The following DCC variants were observed in gnomAD, a reference collection of about 807,000 sequenced individuals.
DCC encodes the protein netrin receptor DCC.
DCC carries 58 observed loss-of-function variants against 172.5 expected under a neutral mutation model. The observed-to-expected ratio is 0.34, with a 90% CI of 0.27 to 0.42. The LOEUF (loss-of-function observed/expected upper bound fraction) is 0.42. DCC is among the 10% of genes least tolerant of loss of function. The probability of loss-of-function intolerance (pLI) is 1.00; values close to 1 mark genes in which losing one functional copy is unlikely to be tolerated. For missense variants in DCC, 1,740 were observed against 1,791.0 expected (o/e 0.97, Z 0.51); for synonymous variants, 709 against 644.5 (o/e 1.10, Z -1.52).
intron 9 of DCC, among the ~76,000 whole-genome samples, chr18:53,181,597 C>T (rs2055198096): frequency 6.6e-6 from 1 of 151,738 alleles, no homozygotes; most frequent in Non-Finnish European, 1.5e-5. Flanking sequence ...TTTTTTGTAT[C>T]ACACATATGG....
At chr18:53,381,669 C>G (rs915486424) in intron 15 of DCC, among the ~76,000 whole-genome samples, 1 of 146,160 alleles carries the variant, frequency 6.8e-6, no homozygotes, top group African/African-American at 2.5e-5. Context: ...TCTATTTTTC[C>G]GGGATTATAT....
intron 9 of DCC, among the ~76,000 whole-genome samples, chr18:53,185,686 T>C (rs2055269968): frequency 6.6e-6 from 1 of 152,176 alleles, no homozygotes; most frequent in Non-Finnish European, 1.5e-5. Context: ...AGTGGCAGTC[T>C]AGGCACTATG....
rs139681958 is a variant in DCC at position 52,476,398 on chromosome 18, C to T, written c.91+135520C>T. On this transcript the variant is annotated intron_variant, in intron 1 of 28. Coordinates refer to ENST00000442544, the MANE Select transcript of DCC (RefSeq NM_005215.4). Reference sequence around the variant, plus strand: ...GCATTCGTGTGAGCGTTTAATTAAACGGATGTGAAATGCTGTCTGAGCCGA... The same window carrying T: ...GCATTCGTGTGAGCGTTTAATTAAATGGATGTGAAATGCTGTCTGAGCCGA... Among the ~76,000 whole-genome samples, 89 of 152,190 alleles carry T rather than the reference C, an allele frequency of 5.8e-4. 1 individual carries two copies. Among genetic ancestry groups the T allele is most frequent in the African/African-American group, 2.0e-3 (82 of 41,520 alleles).
At chr18:52,352,970 T>C (rs1052438745) in intron 1 of DCC, among the ~76,000 whole-genome samples, 1 of 152,186 alleles carries the variant, frequency 6.6e-6, no homozygotes, top group African/African-American at 2.4e-5. Flanking sequence ...TCTAGATGAC[T>C]GAAAGCATCA....
At chr18:52,375,811 A>T (rs1452673547) in intron 1 of DCC, among the ~76,000 whole-genome samples, 1 of 152,200 alleles carries the variant, frequency 6.6e-6, no homozygotes, top group East Asian at 1.9e-4. Flanking sequence ...CCTGTGGGTT[A>T]AGTGTTTCTG....
intron 5 of DCC, among the ~76,000 whole-genome samples, chr18:53,032,375 TC>T (rs1437625481): frequency 3.3e-5 from 5 of 152,294 alleles, no homozygotes; most frequent in African/African-American, 1.2e-4. Flanking sequence ...TTCTTTGTTG[TC>T]AGCTCTTTGC....
At chr18:52,826,879 T>C (rs9964033) in intron 2 of DCC, among the ~76,000 whole-genome samples, 40,079 of 152,126 alleles carry the variant, frequency 0.26, 5,402 homozygotes, top group South Asian at 0.3. Flanking sequence ...AAATATATTG[T>C]ATCTGTACTG....
At chr18:52,493,578 G>A (rs1342879926) in intron 1 of DCC, among the ~76,000 whole-genome samples, 2 of 151,216 alleles carry the variant, frequency 1.3e-5, no homozygotes, top group East Asian at 1.9e-4. Flanking sequence ...TTATATTGGG[G>A]TTCATATATA....
chr18:53,434,488 G>T (rs558319553), intron 21 of DCC, among the ~76,000 whole-genome samples: 1 of 152,028 alleles, frequency 6.6e-6, no homozygotes, highest in African/African-American at 2.4e-5. Context: ...CTTAAATACG[G>T]CTTTCACATC....
At chr18:52,742,701 G>C (rs1054171581) in intron 1 of DCC, among the ~76,000 whole-genome samples, 1 of 152,140 alleles carries the variant, frequency 6.6e-6, no homozygotes, top group African/African-American at 2.4e-5. Flanking sequence ...TACTGACAAA[G>C]TGCTACCATA....
intron 5 of DCC, among the ~76,000 whole-genome samples, chr18:53,044,480 C>G (rs1479575322): frequency 3.3e-5 from 5 of 151,590 alleles, no homozygotes; most frequent in Non-Finnish European, 7.4e-5. Context: ...AGCCATTTAC[C>G]CTTAACTTTT....
At chr18:52,792,644 C>G (rs913143756) in intron 2 of DCC, among the ~76,000 whole-genome samples, 1 of 152,046 alleles carries the variant, frequency 6.6e-6, no homozygotes, top group African/African-American at 2.4e-5. Flanking sequence ...GTGTGACATC[C>G]GAGTCTTTAA....
At chr18:52,711,238 T>A (rs1475255817) in intron 1 of DCC, among the ~76,000 whole-genome samples, 1 of 152,174 alleles carries the variant, frequency 6.6e-6, no homozygotes, top group African/African-American at 2.4e-5. Context: ...ATTTGTTTTT[T>A]TATTTTGAGA....
In DCC at chr18:53,460,299, T is replaced by C. The variant is rs1242481507; in HGVS notation, c.3619+841T>C. Among the ~76,000 whole-genome samples, 535 of 143,742 alleles carry C rather than the reference T, an allele frequency of 3.7e-3. 4 individuals carry two copies. The highest frequency in any genetic ancestry group is 0.013 in the African/African-American group (507 of 39,604). The allele number at this position is 143,742 out of a possible 152,430, so 94.3% of individuals were successfully genotyped here. On this transcript the variant is annotated intron_variant, in intron 24 of 28. Coordinates refer to ENST00000442544, the MANE Select transcript of DCC (RefSeq NM_005215.4). ...GTTTTTTTTTTTTTTTTTTTTTTTTTTTTTAAGTTTTAGGGTACATGTGCA... is the reference window on the plus strand; with the variant it reads ...GTTTTTTTTTTTTTTTTTTTTTTTTCTTTTAAGTTTTAGGGTACATGTGCA...
rs183742883 is a variant in DCC, at chr18:53,486,816, G to C, written c.3756G>C (p.Pro1252=). The part of the protein sequence containing the change: ...SNNPAVVSAI[P]VPTLESAQYP... ...TTGCAGCTGTCGTGAGCGCCATCCC[G>C]GTGCCAACGCTAGAAAGTGCCCAGT... Residue 1252 remains proline, a synonymous_variant, in exon 26 of 29, where the codon CCG becomes CCC. Coordinates refer to ENST00000442544, the MANE Select transcript of DCC (RefSeq NM_005215.4). The C allele has an allele frequency of 6.2e-7, 1 of 1,614,042 alleles. No individual in the cohort carries two copies. Among genetic ancestry groups the C allele is most frequent in the East Asian group, 2.2e-5 (1 of 44,858 alleles).
At chr18:52,661,355 G>A (rs2035355515) in intron 1 of DCC, among the ~76,000 whole-genome samples, 1 of 152,210 alleles carries the variant, frequency 6.6e-6, no homozygotes, top group Non-Finnish European at 1.5e-5. Context: ...CAGCAGAAGA[G>A]GGAATGCTCT....
chr18:52,348,827 A>G (rs138768243), intron 1 of DCC, among the ~76,000 whole-genome samples: 289 of 152,328 alleles, frequency 1.9e-3, no homozygotes, highest in African/African-American at 6.0e-3. Flanking sequence ...TGGAAAAGAC[A>G]TTCTTAGTCA....
chr18:52,997,940 C>T (rs2041508454), intron 5 of DCC, among the ~76,000 whole-genome samples: 2 of 152,132 alleles, frequency 1.3e-5, no homozygotes, highest in Non-Finnish European at 2.9e-5. Context: ...AACCTCAGAG[C>T]CACTCAGCCA....
chr18:52,590,309 C>T lies in DCC; in HGVS notation c.92-161745C>T, dbSNP rs899768170. Among the ~76,000 whole-genome samples the T allele has an allele frequency of 3.3e-5, 5 of 151,840 alleles. No homozygotes were observed. In the South Asian group the frequency reaches 1.0e-3, roughly 32 times the overall value. ...TGCATTAGCCTAACCAAAGCCAATG[C>T]TATGCAATGTCGATGTCTACAATTC... On this transcript the variant is annotated intron_variant, in intron 1 of 28. Transcript: ENST00000442544.
Sources: gnomAD v4.1 joint callset for allele counts (sites outside exome capture counted in the v4.1 genomes callset) on GRCh38, gnomAD v4.1.1 for gene constraint, MANE v1.5 for transcripts, NCBI Gene and HGNC (gene_info 2026-07-23, HGNC 2026-07-21) for gene names.